Variants in ASIC2 observed in about 807,000 individuals in gnomAD.
ASIC2 encodes the protein acid-sensing ion channel 2.
In ASIC2, 25 loss-of-function variants were observed where a neutral mutation model predicts 57.3. That is an observed-to-expected ratio of 0.44 (90% CI 0.32 to 0.61). The LOEUF (loss-of-function observed/expected upper bound fraction) is 0.61. Ranked by LOEUF, ASIC2 falls within the 20% of genes least tolerant of loss-of-function variation. The pLI is 0.06. For missense variants in ASIC2, 641 were observed against 738.1 expected (o/e 0.87, Z 1.52); for synonymous variants, 319 against 307.5 (o/e 1.04, Z -0.39).
intron 1 of ASIC2, among the ~76,000 whole-genome samples, chr17:34,007,891 A>G (rs557937469): frequency 2.6e-5 from 4 of 152,136 alleles, no homozygotes; most frequent in African/African-American, 9.7e-5. Context: ...AATACCCCCA[A>G]TGAAAATGTA....
At chr17:33,510,729 C>G (rs868069717) in intron 1 of ASIC2, among the ~76,000 whole-genome samples, 2 of 152,320 alleles carry the variant, frequency 1.3e-5, no homozygotes, top group South Asian at 4.1e-4. Flanking sequence ...TGGCATTGTT[C>G]CTTTGGACTG....
chr17:33,844,908 A>G (rs1033570412), intron 1 of ASIC2, among the ~76,000 whole-genome samples: 3 of 152,196 alleles, frequency 2.0e-5, no homozygotes, highest in African/African-American at 7.2e-5. Context: ...TCCCCATTTT[A>G]CAGATGGGAA....
intron 1 of ASIC2, among the ~76,000 whole-genome samples, chr17:33,289,653 T>C (rs1905337758): frequency 6.6e-6 from 1 of 152,230 alleles, no homozygotes; most frequent in South Asian, 2.1e-4. Context: ...ATTGGACAGC[T>C]TTTTAGAGCT....
chr17:33,979,957 C>T (rs1905552954), intron 1 of ASIC2, among the ~76,000 whole-genome samples: 1 of 152,120 alleles, frequency 6.6e-6, no homozygotes, highest in Non-Finnish European at 1.5e-5. Flanking sequence ...CTCCTCTCTT[C>T]TTTCTCTACT....
intron 1 of ASIC2, among the ~76,000 whole-genome samples, chr17:33,548,711 T>A (rs537958669): frequency 6.6e-6 from 1 of 152,290 alleles, no homozygotes; most frequent in South Asian, 2.1e-4. Flanking sequence ...GACACTCAAC[T>A]GTTTTTCCAA....
Position 33,293,285 on chromosome 17 carries a change from CCCGCGGCT to C in ASIC2, c.-1178_-1171del. 6.6e-6 allele frequency among the ~76,000 whole-genome samples: 1 copy of C among 152,074 alleles called. No individual in the cohort carries two copies. The highest frequency in any genetic ancestry group is 1.9e-4 in the East Asian group (1 of 5,132). On this transcript the variant is annotated 5_prime_UTR_variant, in exon 1 of 10. Coordinates refer to ENST00000225823, the MANE Select transcript of ASIC2 (RefSeq NM_183377.2). ...AGCACCTGCTCCTCAGCTCGCTGGC[CCCGCGGCT>C]CCGGGCGGGCGGGGCGGCGGCGGCC...
intron 1 of ASIC2, among the ~76,000 whole-genome samples, chr17:33,566,108 C>T (rs528791629): frequency 6.6e-6 from 1 of 152,346 alleles, no homozygotes; most frequent in Admixed American, 6.5e-5. Context: ...TCCCTTACGT[C>T]TTTCTCTGTT....
intron 1 of ASIC2, among the ~76,000 whole-genome samples, chr17:33,766,934 A>G (rs900197963): frequency 6.6e-6 from 1 of 152,248 alleles, no homozygotes; most frequent in African/African-American, 2.4e-5. Context: ...AGCATTGTCA[A>G]AGACAGACAA....
At chr17:33,536,547 A>G (rs1044165670) in intron 1 of ASIC2, among the ~76,000 whole-genome samples, 2 of 152,186 alleles carry the variant, frequency 1.3e-5, no homozygotes, top group African/African-American at 4.8e-5. Context: ...ATATTTTCCA[A>G]GTTTCACCTT....
chr17:33,178,589 G>T (rs1905853905), intron 1 of ASIC2, among the ~76,000 whole-genome samples: 2 of 152,188 alleles, frequency 1.3e-5, no homozygotes, highest in Non-Finnish European at 2.9e-5. Flanking sequence ...GAGTCTTGAG[G>T]TCAGGAAAGA....
At chr17:33,301,991 G>A (rs985487082) in intron 1 of ASIC2, among the ~76,000 whole-genome samples, 1 of 152,206 alleles carries the variant, frequency 6.6e-6, no homozygotes, top group Non-Finnish European at 1.5e-5. Context: ...CAATGTCCAT[G>A]TCCTTCTCCT....
chr17:34,117,898 T>A (rs1007366611), intron 1 of ASIC2, among the ~76,000 whole-genome samples: 6 of 152,192 alleles, frequency 3.9e-5, no homozygotes, highest in African/African-American at 1.4e-4. Flanking sequence ...AATCTCCCCA[T>A]CAGCTTCAAG....
At chr17:33,736,529 G>A (rs752459585) in intron 1 of ASIC2, among the ~76,000 whole-genome samples, 82 of 152,162 alleles carry the variant, frequency 5.4e-4, no homozygotes, top group Non-Finnish European at 2.1e-4. Flanking sequence ...TGTTTCCTGT[G>A]AGGCAGAAGA....
intron 1 of ASIC2, among the ~76,000 whole-genome samples, chr17:33,800,806 T>C (rs1912111325): frequency 6.6e-6 from 1 of 152,212 alleles, no homozygotes; most frequent in African/African-American, 2.4e-5. Flanking sequence ...GTCAATTTTT[T>C]ATCCTGCTAT....
chr17:33,865,696 T>C (rs1188204750), intron 1 of ASIC2, among the ~76,000 whole-genome samples: 1 of 148,336 alleles, frequency 6.7e-6, no homozygotes, highest in Admixed American at 6.8e-5. Flanking sequence ...CATGTATACA[T>C]ATGTAACTAA....
chr17:33,216,918 G>A (rs111975113), intron 1 of ASIC2, among the ~76,000 whole-genome samples: 2,539 of 152,270 alleles, frequency 0.017, 59 homozygotes, highest in African/African-American at 0.052. Flanking sequence ...AAACAGTGAA[G>A]GGGTGGCCAT....
At chr17:33,410,016 A>G (rs16968296) in intron 1 of ASIC2, among the ~76,000 whole-genome samples, 16,190 of 152,214 alleles carry the variant, frequency 0.11, 938 homozygotes, top group Middle Eastern at 0.14. Context: ...ATTCAGTTAC[A>G]GTGGCTTTAG....
chr17:33,593,898 A>G (rs1392386912), intron 1 of ASIC2, among the ~76,000 whole-genome samples: 1 of 152,186 alleles, frequency 6.6e-6, no homozygotes, highest in Non-Finnish European at 1.5e-5. Flanking sequence ...AGAAAACCCC[A>G]TTCCCTAGGC....
intron 5 of ASIC2, 55 bp from the exon 6 acceptor site, chr17:33,024,069 G>T: frequency 6.2e-7 from 1 of 1,607,984 alleles, no homozygotes; most frequent in South Asian, 1.1e-5. Flanking sequence ...GGATTTCTAA[G>T]GGTCCAGAGT....
Sources: allele counts gnomAD v4.1 joint callset (sites outside exome capture counted in the v4.1 genomes callset), GRCh38; gene constraint gnomAD v4.1.1; transcripts MANE v1.5; gene names NCBI Gene and HGNC (gene_info 2026-07-23, HGNC 2026-07-21).